ZSWIM5: variants seen among roughly 807,000 people sequenced by gnomAD.
ZSWIM5 encodes the protein zinc finger SWIM-type containing 5.
In ZSWIM5, 55 loss-of-function variants were observed where a neutral mutation model predicts 119.6. The observed-to-expected ratio is 0.46, with a 90% CI of 0.37 to 0.58. ZSWIM5 has a LOEUF of 0.58. Ranked by LOEUF, ZSWIM5 falls within the 20% of genes least tolerant of loss-of-function variation. The pLI is 0.00. For missense variants in ZSWIM5, 1,193 were observed against 1,512.8 expected, an observed-to-expected ratio of 0.79 and a Z score of 3.51; for synonymous variants, 537 against 606.9, an observed-to-expected ratio of 0.88 and a Z score of 1.69.
chr1:45,179,850 G>A (rs1646004441), intron 1 of ZSWIM5, among the ~76,000 whole-genome samples: 1 of 152,158 alleles, frequency 6.6e-6, no homozygotes, highest in African/African-American at 2.4e-5. Context: ...TGGGTTCAAT[G>A]TAATCACATA....
At chr1:45,044,783 A>T (rs1452668287) in intron 5 of ZSWIM5, among the ~76,000 whole-genome samples, 306 of 2,796 alleles carry the variant, frequency 0.11, 119 homozygotes, top group African/African-American at 0.23. Context: ...ATAAATATAT[A>T]TATATAAATA....
At chr1:45,127,381 T>G (rs1645627572) in intron 1 of ZSWIM5, among the ~76,000 whole-genome samples, 1 of 151,550 alleles carries the variant, frequency 6.6e-6, no homozygotes, top group African/African-American at 2.4e-5. Context: ...CTAACATACT[T>G]AATGGTGAAA....
At chr1:45,094,870 A>C (rs1416702659) in intron 1 of ZSWIM5, among the ~76,000 whole-genome samples, 2 of 151,986 alleles carry the variant, frequency 1.3e-5, no homozygotes, top group African/African-American at 2.4e-5. Flanking sequence ...CAAAAAAAAA[A>C]AAAACAAAAG....
intron 1 of ZSWIM5, among the ~76,000 whole-genome samples, chr1:45,175,452 A>G (rs577011226): frequency 1.3e-5 from 2 of 151,992 alleles, no homozygotes; most frequent in East Asian, 3.9e-4. Flanking sequence ...ACTCTTTCTA[A>G]AAATATTTTA....
intron 1 of ZSWIM5, among the ~76,000 whole-genome samples, chr1:45,137,143 A>C (rs1382291297): frequency 6.6e-6 from 1 of 152,060 alleles, no homozygotes. Flanking sequence ...GCAAAGGTGC[A>C]ATCATAGCTC....
intron 1 of ZSWIM5, among the ~76,000 whole-genome samples, chr1:45,193,863 A>G (rs1319797224): frequency 1.3e-5 from 2 of 152,082 alleles, no homozygotes; most frequent in East Asian, 3.8e-4. Flanking sequence ...TTTACAGTTG[A>G]AAAAACTGAG....
At position 45,043,311 on chromosome 1, in the gene ZSWIM5, C is replaced by A. The variant is rs774556119; in HGVS notation, c.1517G>T (p.Arg506Leu). 3 of 1,614,182 alleles carry A rather than the reference C, an allele frequency of 1.9e-6. No homozygotes were observed. Among genetic ancestry groups the A allele is most frequent in the East Asian group, 2.2e-5 (1 of 44,886 alleles). The change falls in exon 6 of 14, where the codon CGA becomes CTA. Residue 506 changes from arginine (R) to leucine (L), a missense_variant. Arg to Leu is a moderately radical substitution (Grantham distance 102). Coordinates refer to ENST00000359600, the MANE Select transcript of ZSWIM5 (RefSeq NM_020883.2). ...TGTATAAACATCACTGCTGATTATT[C>A]GCTGTAGGTGGCTATCCTGCCAATG... is the stretch of plus-strand genomic sequence containing the variant. ...ELHWQDSHLQ[R>L]IISSDVYTAP...
chr1:45,161,511 G>A (rs1231609047), intron 1 of ZSWIM5, among the ~76,000 whole-genome samples: 2 of 152,110 alleles, frequency 1.3e-5, no homozygotes, highest in African/African-American at 2.4e-5. Context: ...AATTGGTGAC[G>A]CTGAACACTT....
At chr1:45,035,003 G>T (rs113438923) in intron 10 of ZSWIM5, among the ~76,000 whole-genome samples, 13 of 152,068 alleles carry the variant, frequency 8.5e-5, no homozygotes, top group Non-Finnish European at 5.9e-5. Flanking sequence ...GCCCAGGCTG[G>T]TCTCAAACTC....
At chr1:45,114,690 C>T (rs1316540451) in intron 1 of ZSWIM5, among the ~76,000 whole-genome samples, 4 of 144,798 alleles carry the variant, frequency 2.8e-5, no homozygotes, top group Non-Finnish European at 6.0e-5. Context: ...GGGTGTTTCT[C>T]GGAGAGGGAT....
At chr1:45,105,019 T>C (rs1645461340) in intron 1 of ZSWIM5, among the ~76,000 whole-genome samples, 2 of 152,176 alleles carry the variant, frequency 1.3e-5, no homozygotes, top group African/African-American at 4.8e-5. Flanking sequence ...ACTGAGATCT[T>C]CGGCTCGCCG....
chr1:45,128,361 TTTTG>T (rs1272653733), intron 1 of ZSWIM5, among the ~76,000 whole-genome samples: 5 of 151,952 alleles, frequency 3.3e-5, no homozygotes, highest in African/African-American at 4.8e-5. Context: ...CCAGCTAGTT[TTTTG>T]TTTGTTTAAT....
intron 1 of ZSWIM5, among the ~76,000 whole-genome samples, chr1:45,097,862 C>T (rs185271711): frequency 1.4e-4 from 22 of 152,080 alleles, no homozygotes; most frequent in African/African-American, 3.1e-4. Context: ...CCACCACACC[C>T]GGCTATTGAG....
chr1:45,166,542 G>A (rs573982258), intron 1 of ZSWIM5, among the ~76,000 whole-genome samples: 2 of 152,160 alleles, frequency 1.3e-5, no homozygotes, highest in Admixed American at 1.3e-4. Flanking sequence ...CCTGTTTGCA[G>A]ACATGACATG....
chr1:45,144,433 G>T (rs887603377), intron 1 of ZSWIM5, among the ~76,000 whole-genome samples: 2 of 152,062 alleles, frequency 1.3e-5, no homozygotes, highest in Non-Finnish European at 2.9e-5. Flanking sequence ...TCCTTGGGAG[G>T]TTGAGACAGG....
At chr1:45,143,674 C>A (rs1422558260) in intron 1 of ZSWIM5, among the ~76,000 whole-genome samples, 1 of 151,750 alleles carries the variant, frequency 6.6e-6, no homozygotes, top group Non-Finnish European at 1.5e-5. Flanking sequence ...TGGTGCAACA[C>A]AAGAAGAAAA....
At chr1:45,066,310 G>A (rs1645183857) in intron 2 of ZSWIM5, among the ~76,000 whole-genome samples, 1 of 152,032 alleles carries the variant, frequency 6.6e-6, no homozygotes, top group Non-Finnish European at 1.5e-5. Flanking sequence ...AGCTTGATAT[G>A]TACAGAACCT....
At chr1:45,045,634 A>G (rs2148995373) in intron 5 of ZSWIM5, among the ~76,000 whole-genome samples, 1 of 152,220 alleles carries the variant, frequency 6.6e-6, no homozygotes, top group Non-Finnish European at 1.5e-5. Flanking sequence ...AAGCTCCTCT[A>G]CTGCTGAACT....
At chr1:45,205,235 A>G (rs1557798990) in intron 1 of ZSWIM5, among the ~76,000 whole-genome samples, 1 of 151,910 alleles carries the variant, frequency 6.6e-6, no homozygotes, top group East Asian at 1.9e-4. Context: ...GGTCCAGGGG[A>G]AAAATCCTAA....
Sources: allele counts gnomAD v4.1 joint callset (sites outside exome capture counted in the v4.1 genomes callset), GRCh38; gene constraint gnomAD v4.1.1; transcripts MANE v1.5; gene names NCBI Gene and HGNC (gene_info 2026-07-23, HGNC 2026-07-21).